CTLA4: variants seen among roughly 807,000 people sequenced by gnomAD.
CTLA4 encodes the protein cytotoxic T-lymphocyte protein 4.
A neutral mutation model predicts 20.4 loss-of-function variants in CTLA4; 3 were observed. That is an observed-to-expected ratio of 0.15 (90% CI 0.07 to 0.38). The LOEUF (loss-of-function observed/expected upper bound fraction) is 0.38, where lower values mean the gene tolerates loss of function less well. CTLA4 is among the 10% of genes least tolerant of loss of function. CTLA4 has a pLI of 1.00. For missense variants in CTLA4, 184 were observed against 276.8 expected, an observed-to-expected ratio of 0.66 and a Z score of 2.38; for synonymous variants, 100 against 105.2, an observed-to-expected ratio of 0.95 and a Z score of 0.30.
chr2:203,873,099 G>T lies in CTLA4; in HGVS notation c.*287G>T. On this transcript the variant is annotated 3_prime_UTR_variant, in exon 4 of 4. Coordinates refer to ENST00000648405, the MANE Select transcript of CTLA4 (RefSeq NM_005214.5). ...ATTATGATGTGGGTCAAGGAATTAAGTTAGGGAATGGCACAGCCCAAAGAA... is the reference window on the plus strand; with the variant it reads ...ATTATGATGTGGGTCAAGGAATTAATTTAGGGAATGGCACAGCCCAAAGAA... 1 of 537,526 alleles carries T rather than the reference G, an allele frequency of 1.9e-6. No homozygotes were observed. Among genetic ancestry groups the T allele is most frequent in the Non-Finnish European group, 3.3e-6 (1 of 305,040 alleles). 33.3% of individuals were successfully genotyped at this position (537,526 alleles called of 1,614,324 possible). A position where few individuals can be genotyped will look rare whatever the true frequency, so the allele number is the denominator to read the frequency against.
intron 3 of CTLA4, 33 bp from the exon 4 acceptor site, chr2:203,872,675 G>C: frequency 2.2e-6 from 3 of 1,354,618 alleles, no homozygotes; most frequent in Non-Finnish European, 3.2e-6. Flanking sequence ...GTATTCCTCA[G>C]TAGTAATTAC....
chr2:203,870,793 C>A lies in CTLA4; in HGVS notation c.317C>A (p.Thr106Asn), dbSNP rs777843969. Residue 106 changes from threonine (T) to asparagine (N), a missense_variant, in exon 2 of 4, where the codon ACC becomes AAC. By Grantham distance (65) the Thr-to-Asn change is moderately conservative. Coordinates refer to ENST00000648405, the MANE Select transcript of CTLA4 (RefSeq NM_005214.5). The surrounding 1 kb of genome is among the most constrained non-coding windows in gnomAD (Gnocchi z 5.3). ...TFLDDSICTG[T>N]SSGNQVNLTI... Reference sequence around the variant, plus strand: ...CTAGATGATTCCATCTGCACGGGCACCTCCAGTGGAAATCAAGTGAACCTC... The same window carrying A: ...CTAGATGATTCCATCTGCACGGGCAACTCCAGTGGAAATCAAGTGAACCTC... 1 of 1,614,162 alleles carries A rather than the reference C, an allele frequency of 6.2e-7. No individual in the cohort carries two copies. Among genetic ancestry groups the A allele is most frequent in the Admixed American group, 1.7e-5 (1 of 60,020 alleles).
chr2:203,869,609 G>A (rs754496105), intron 1 of CTLA4, among the ~76,000 whole-genome samples: 7 of 152,196 alleles, frequency 4.6e-5, no homozygotes, highest in Non-Finnish European at 1.0e-4. Flanking sequence ...TTGTTTTTGC[G>A]ATCAGTGTTA....
At chr2:203,869,687 A>G (rs536508085) in intron 1 of CTLA4, among the ~76,000 whole-genome samples, 2 of 152,348 alleles carry the variant, frequency 1.3e-5, no homozygotes, top group East Asian at 3.9e-4. Context: ...TTCACTTGTC[A>G]GACTGACTGG....
intron 3 of CTLA4, 49 bp downstream of exon 3, chr2:203,871,536 T>G (rs987787137): frequency 3.7e-6 from 5 of 1,347,118 alleles, no homozygotes; most frequent in Admixed American, 3.4e-5. Context: ...ATACCTTTAG[T>G]GGTATCAACT....
intron 2 of CTLA4, 21 bp from the exon 3 acceptor site, chr2:203,871,357 C>G (rs1688728983): frequency 6.2e-7 from 1 of 1,600,510 alleles, no homozygotes; most frequent in Non-Finnish European, 8.6e-7. Flanking sequence ...CAGGGAGGCT[C>G]TGCTTTGTTT....
At chr2:203,869,035 C>G (rs1581572545) in intron 1 of CTLA4, among the ~76,000 whole-genome samples, 1 of 152,142 alleles carries the variant, frequency 6.6e-6, no homozygotes, top group African/African-American at 2.4e-5. Context: ...GTAAATTTAT[C>G]TCAACCAGTA....
chr2:203,873,319 C>A lies in CTLA4; in HGVS notation c.*507C>A. ...GCCAGTGATGCTAAAGGTTGTATTG[C>A]ATATATACATATATATATATATATA... On this transcript the variant is annotated 3_prime_UTR_variant, in exon 4 of 4. Coordinates refer to ENST00000648405, the MANE Select transcript of CTLA4 (RefSeq NM_005214.5). 1 of 207,798 alleles carries A rather than the reference C, an allele frequency of 4.8e-6. No homozygotes were observed. The highest frequency in any genetic ancestry group is 8.1e-6 in the Non-Finnish European group (1 of 122,832). 12.9% of individuals were successfully genotyped at this position (207,798 alleles called of 1,614,324 possible). A position where few individuals can be genotyped will look rare whatever the true frequency, so the allele number is the denominator to read the frequency against.
At chr2:203,872,635 T>G in intron 3 of CTLA4, 73 bp from the exon 4 acceptor site, 1 of 869,076 alleles carries the variant, frequency 1.2e-6, no homozygotes, top group Non-Finnish European at 1.9e-6. Flanking sequence ...CAATATGTGT[T>G]GAGTTCTATT....
rs1334736818 is a variant in CTLA4 at position 203,873,426 on chromosome 2, T to C, written c.*614T>C. Reference sequence around the variant, plus strand: ...GTGCATAGAGCCACGTATGTTTTTGTGTATTTGTTAATGGTTTGAATATAA... The same window carrying C: ...GTGCATAGAGCCACGTATGTTTTTGCGTATTTGTTAATGGTTTGAATATAA... On this transcript the variant is annotated 3_prime_UTR_variant, in exon 4 of 4. Coordinates refer to ENST00000648405, the MANE Select transcript of CTLA4 (RefSeq NM_005214.5). 2 of 221,608 alleles carry C rather than the reference T, an allele frequency of 9.0e-6. No homozygotes were observed. Among genetic ancestry groups the C allele is most frequent in the Non-Finnish European group, 1.8e-5 (2 of 113,782 alleles). 13.7% of individuals were successfully genotyped at this position (221,608 alleles called of 1,614,324 possible).
chr2:203,871,577 T>C, intron 3 of CTLA4, 90 bp downstream of exon 3: 1 of 1,024,104 alleles, frequency 9.8e-7, no homozygotes, highest in South Asian at 1.3e-5. Flanking sequence ...TTTAGTGTTC[T>C]TGAGATGAGA....
chr2:203,873,327 C>CATATAT lies in CTLA4; in HGVS notation c.*566_*571dup, dbSNP rs60872763. 34 of 175,592 alleles carry CATATAT rather than the reference C, an allele frequency of 1.9e-4. No homozygotes were observed. The highest frequency in any genetic ancestry group is 2.8e-4 in the Non-Finnish European group (27 of 97,640). The allele number at this position is 175,592 out of a possible 1,614,324, so 10.9% of individuals were successfully genotyped here. A position where few individuals can be genotyped will look rare whatever the true frequency, so the allele number is the denominator to read the frequency against. On this transcript the variant is annotated 3_prime_UTR_variant, in exon 4 of 4. Transcript: ENST00000648405. ...TGCTAAAGGTTGTATTGCATATATA[C>CATATAT]ATATATATATATATATATATATATA...
chr2:203,871,317 G>C (rs941289125), intron 2 of CTLA4, 61 bp from the exon 3 acceptor site: 1 of 1,411,588 alleles, frequency 7.1e-7, no homozygotes, highest in East Asian at 2.3e-5. Flanking sequence ...CCAATGTTGG[G>C]GAGTAGAGCC....
intron 1 of CTLA4, among the ~76,000 whole-genome samples, chr2:203,869,063 C>A (rs1487519073): frequency 2.0e-5 from 3 of 152,154 alleles, no homozygotes; most frequent in African/African-American, 7.2e-5. Flanking sequence ...CCTCCCAATA[C>A]TGGAAAGTTG....
rs1688705011 is a variant in CTLA4 at position 203,870,319 on chromosome 2, T to G, written c.110-267T>G. On this transcript the variant is annotated intron_variant, in intron 1 of 3. Coordinates refer to ENST00000648405, the MANE Select transcript of CTLA4 (RefSeq NM_005214.5). This position sits in a 1 kb window ranked among gnomAD's most constrained non-coding sequence, Gnocchi z 5.3. ...TATTTCATGGTAGAGCCAGGTCTTC[T>G]GTTTGTCATATCAGTGTTCTTCCTG... The G allele has an allele frequency of 4.0e-6, 2 of 498,534 alleles. No individual in the cohort carries two copies. Among genetic ancestry groups the G allele is most frequent in the Middle Eastern group, 5.3e-4 (1 of 1,878 alleles). The allele number at this position is 498,534 out of a possible 1,614,324, so 30.9% of individuals were successfully genotyped here.
Position 203,867,981 on chromosome 2 carries a change from G to C in CTLA4, c.39G>C (p.Leu13=), listed in dbSNP as rs1391300950. ...GATTTCAGCGGCACAAGGCTCAGCT[G>C]AACCTGGCTACCAGGACCTGGCCCT... ...CLGFQRHKAQ[L]NLATRTWPCT... Residue 13 remains leucine (L), a synonymous_variant, in exon 1 of 4, where the codon CTG becomes CTC. Transcript: ENST00000648405. 1 of 1,614,154 alleles carries C rather than the reference G, an allele frequency of 6.2e-7. No homozygotes were observed. Among genetic ancestry groups the C allele is most frequent in the Non-Finnish European group, 8.5e-7 (1 of 1,180,014 alleles).
At position 203,867,853 on chromosome 2, in the gene CTLA4, C is replaced by A; in HGVS notation, c.-90C>A. On this transcript the variant is annotated 5_prime_UTR_variant, in exon 1 of 4. In the 5' UTR this introduces an upstream ATG that the reference lacks. Coordinates refer to ENST00000648405, the MANE Select transcript of CTLA4 (RefSeq NM_005214.5). ...AGCTATCTATATAAAGTCCTTGATT[C>A]TGTGTGGGTTCAAACACATTTCAAA... 1 of 861,262 alleles carries A rather than the reference C, an allele frequency of 1.2e-6. No homozygotes were observed. The highest frequency in any genetic ancestry group is 1.9e-6 in the Non-Finnish European group (1 of 533,022). 53.4% of individuals were successfully genotyped at this position (861,262 alleles called of 1,614,324 possible).
chr2:203,870,497 G>A lies in CTLA4; in HGVS notation c.110-89G>A, dbSNP rs1261874233. ...TTGAAGGGGGGAGAAAAGGCCGTGG[G>A]GATGAAGCTAGAAGGCAGAAGGGCT... is the stretch of plus-strand genomic sequence containing the variant. On this transcript the variant is annotated intron_variant, in intron 1 of 3. Coordinates refer to ENST00000648405, the MANE Select transcript of CTLA4 (RefSeq NM_005214.5). This position sits in a 1 kb window ranked among gnomAD's most constrained non-coding sequence, Gnocchi z 5.3. The A allele has an allele frequency of 1.4e-6, 2 of 1,420,756 alleles. No homozygotes were observed. The highest frequency in any genetic ancestry group is 3.8e-5 in the Admixed American group (2 of 53,082). The allele number at this position is 1,420,756 out of a possible 1,614,324, so 88.0% of individuals were successfully genotyped here. A position where few individuals can be genotyped will look rare whatever the true frequency, so the allele number is the denominator to read the frequency against.
At chr2:203,868,100 C>T (rs376537840) in intron 1 of CTLA4, 49 bp downstream of exon 1, 9 of 1,388,136 alleles carry the variant, frequency 6.5e-6, no homozygotes, top group East Asian at 4.6e-5. Context: ...TTTCTCCTAC[C>T]TGGGTTTCAT....
Sources: allele counts gnomAD v4.1 joint callset (sites outside exome capture counted in the v4.1 genomes callset), GRCh38; gene constraint gnomAD v4.1.1; non-coding constraint Gnocchi (gnomAD v3.1); transcripts MANE v1.5; gene names NCBI Gene and HGNC (gene_info 2026-07-23, HGNC 2026-07-21).